Variants in STK10 observed in about 807,000 individuals in gnomAD.
STK10 encodes serine/threonine kinase 10, also known as serine/threonine-protein kinase 10.
STK10 carries 78 observed loss-of-function variants against 113.8 expected under a neutral mutation model. The observed-to-expected ratio is 0.69, with a 90% CI of 0.57 to 0.83. STK10 has a LOEUF of 0.83. STK10 is among the 40% of genes least tolerant of loss of function. STK10 has a pLI of 0.00. For synonymous variants in STK10, 465 were observed against 494.7 expected (o/e 0.94, Z 0.80); for missense variants, 1,109 against 1,280.1 (o/e 0.87, Z 2.04).
intron 7 of STK10, among the ~76,000 whole-genome samples, chr5:172,101,835 C>T (rs945052914): frequency 6.6e-6 from 1 of 152,082 alleles, no homozygotes; most frequent in Non-Finnish European, 1.5e-5. Context: ...CCATTCCAGG[C>T]GGCATGGACA....
At chr5:172,129,015 C>T (rs916712035) in intron 2 of STK10, among the ~76,000 whole-genome samples, 3 of 152,194 alleles carry the variant, frequency 2.0e-5, no homozygotes, top group Non-Finnish European at 4.4e-5. Flanking sequence ...GAGCCAGTCA[C>T]GGCTGGGCTC....
chr5:172,174,054 G>C (rs1031242190), intron 1 of STK10, among the ~76,000 whole-genome samples: 1 of 152,126 alleles, frequency 6.6e-6, no homozygotes. Context: ...GCGGCCTCCC[G>C]AGTGTAGCCA....
chr5:172,119,726 T>C (rs1769464612), intron 3 of STK10, among the ~76,000 whole-genome samples: 2 of 143,806 alleles, frequency 1.4e-5, no homozygotes, highest in Non-Finnish European at 3.0e-5. Flanking sequence ...TAGCCGGGCG[T>C]AGTGGCGGGC....
intron 2 of STK10, among the ~76,000 whole-genome samples, chr5:172,129,409 A>G (rs1769700081): frequency 6.6e-6 from 1 of 152,152 alleles, no homozygotes; most frequent in African/African-American, 2.4e-5. Flanking sequence ...CTGCCTGGTC[A>G]TCAACAACGG....
chr5:172,096,150 C>T (rs1041782317), intron 8 of STK10, among the ~76,000 whole-genome samples: 1 of 152,184 alleles, frequency 6.6e-6, no homozygotes, highest in African/African-American at 2.4e-5. Flanking sequence ...GAATCAGTTA[C>T]CAACTTTTAA....
chr5:172,135,468 C>T (rs1024227944), intron 2 of STK10, among the ~76,000 whole-genome samples: 15 of 151,900 alleles, frequency 9.9e-5, no homozygotes, highest in African/African-American at 2.9e-4. Context: ...GCCAAGATCA[C>T]GTCACTGCAC....
At chr5:172,128,611 G>C (rs945713569) in intron 2 of STK10, among the ~76,000 whole-genome samples, 2 of 152,200 alleles carry the variant, frequency 1.3e-5, no homozygotes, top group Non-Finnish European at 2.9e-5. Flanking sequence ...GATTACAGGC[G>C]TGAGCCACCC....
At position 172,043,323 on chromosome 5, in the gene STK10, C is replaced by T. The variant is rs1292274234; in HGVS notation, c.*1559G>A. ...TTGGCCAGGCTAGTCTCGAACTCCTCACCTCAGGTGAGTCACCATGCCCGG... is the reference window on the plus strand; with the variant it reads ...TTGGCCAGGCTAGTCTCGAACTCCTTACCTCAGGTGAGTCACCATGCCCGG... On this transcript the variant is annotated 3_prime_UTR_variant, in exon 19 of 19. Coordinates refer to ENST00000176763, the MANE Select transcript of STK10 (RefSeq NM_005990.4). 6.6e-6 allele frequency: 1 copy of T among 152,096 alleles called. No individual in the cohort carries two copies. The highest frequency in any genetic ancestry group is 1.5e-5 in the Non-Finnish European group (1 of 68,032). 9.4% of individuals were successfully genotyped at this position (152,096 alleles called of 1,614,324 possible).
intron 12 of STK10, among the ~76,000 whole-genome samples, chr5:172,076,709 G>A (rs1768315529): frequency 6.6e-6 from 1 of 152,162 alleles, no homozygotes; most frequent in South Asian, 2.1e-4. Context: ...TCTTATTTGT[G>A]CCACTTCTGC....
intron 7 of STK10, among the ~76,000 whole-genome samples, chr5:172,097,319 C>T (rs1032525202): frequency 1.3e-5 from 2 of 152,198 alleles, no homozygotes; most frequent in Admixed American, 6.5e-5. Flanking sequence ...GGATTACAGG[C>T]GTGAGCCACT....
intron 1 of STK10, among the ~76,000 whole-genome samples, chr5:172,157,637 C>A (rs1770379254): frequency 1.3e-5 from 2 of 152,020 alleles, no homozygotes; most frequent in South Asian, 4.2e-4. Context: ...GTCGCCCAGG[C>A]TGAAGTGCAG....
intron 1 of STK10, among the ~76,000 whole-genome samples, chr5:172,185,232 GC>G (rs1770933069): frequency 6.6e-6 from 1 of 151,756 alleles, no homozygotes; most frequent in South Asian, 2.1e-4. Flanking sequence ...GCAATTGAAA[GC>G]CCCTAACGGA....
At chr5:172,057,130 G>C (rs1009245820) in intron 15 of STK10, 1 of 568,334 alleles carries the variant, frequency 1.8e-6, no homozygotes, top group Non-Finnish European at 3.1e-6. Flanking sequence ...TTGGGCCATT[G>C]GCTTCCCTGC....
At chr5:172,179,513 T>C (rs1770813081) in intron 1 of STK10, among the ~76,000 whole-genome samples, 1 of 152,182 alleles carries the variant, frequency 6.6e-6, no homozygotes, top group African/African-American at 2.4e-5. Flanking sequence ...TCTGTTTGTT[T>C]CGATCCCTTC....
intron 18 of STK10, among the ~76,000 whole-genome samples, chr5:172,051,480 C>A (rs1442854650): frequency 6.6e-6 from 1 of 151,816 alleles, no homozygotes; most frequent in Non-Finnish European, 1.5e-5. Flanking sequence ...GAAAAACTAG[C>A]CAGGCATAGT....
At chr5:172,072,022 A>G (rs1198449240) in intron 12 of STK10, among the ~76,000 whole-genome samples, 3 of 152,182 alleles carry the variant, frequency 2.0e-5, no homozygotes, top group African/African-American at 7.2e-5. Flanking sequence ...AATATCAGCA[A>G]ATTGAGTCCA....
Position 172,093,377 on chromosome 5 carries a change from T to G in STK10, c.1554+35A>C. The G allele has an allele frequency of 6.5e-7, 1 of 1,549,314 alleles. No homozygotes were observed. The highest frequency in any genetic ancestry group is 8.7e-7 in the Non-Finnish European group (1 of 1,144,462). ...AGCCACAGAACATCCTGCAATGGTC[T>G]TGCTGCAAGCCCGTGGTGGCAGAGG... is the stretch of plus-strand genomic sequence containing the variant. On this transcript the variant is annotated intron_variant, in intron 9 of 18. Transcript: ENST00000176763. The surrounding 1 kb of genome is among the most constrained non-coding windows in gnomAD (Gnocchi z 4.1).
intron 1 of STK10, among the ~76,000 whole-genome samples, chr5:172,186,865 A>T (rs1483635412): frequency 1.3e-5 from 2 of 152,100 alleles, no homozygotes; most frequent in Non-Finnish European, 1.5e-5. Context: ...TCAGAGGAGA[A>T]GGCCTGGAGA....
chr5:172,156,785 T>C lies in STK10; in HGVS notation c.160A>G (p.Lys54Glu), dbSNP rs746839889. The C allele has an allele frequency of 1.2e-5, 19 of 1,613,102 alleles. No individual in the cohort carries two copies. The African/African-American group carries it at 2.1e-4, about 18-fold the overall frequency. ...GCCAAAGCACCCGTCTCCTTATTCTTGGCCTGCAAAGAGGAGATACAGGAG... is the reference window on the plus strand; with the variant it reads ...GCCAAAGCACCCGTCTCCTTATTCTCGGCCTGCAAAGAGGAGATACAGGAG... ...DGAFGKVYKA[K>E]NKETGALAAA... Residue 54 changes from lysine to glutamate, a missense_variant, in exon 2 of 19, where the codon AAG becomes GAG. Around this residue, in one of 5 missense-constraint regions of STK10, gnomAD observed 120 missense variants for 134.8 expected, o/e 0.89. Coordinates refer to ENST00000176763, the MANE Select transcript of STK10 (RefSeq NM_005990.4).
Sources: gnomAD v4.1 joint callset for allele counts (sites outside exome capture counted in the v4.1 genomes callset) on GRCh38, gnomAD v4.1.1 for gene constraint, gnomAD v4.1.1 regional missense constraint, Gnocchi (gnomAD v3.1) non-coding constraint, MANE v1.5 for transcripts, NCBI Gene and HGNC (gene_info 2026-07-23, HGNC 2026-07-21) for gene names.